CCDC192: variants seen among roughly 807,000 people sequenced by gnomAD.
CCDC192 encodes the protein coiled-coil domain-containing protein 192.
At chr5:127,926,832 A>G (rs1753876265) in intron 6 of CCDC192, among the ~76,000 whole-genome samples, 1 of 152,180 alleles carries the variant, frequency 6.6e-6, no homozygotes, top group Admixed American at 6.5e-5. Flanking sequence ...GGGAAAAGAA[A>G]GTTTAAGACC....
At chr5:127,761,588 T>G (rs1754931994) in intron 3 of CCDC192, among the ~76,000 whole-genome samples, 1 of 152,144 alleles carries the variant, frequency 6.6e-6, no homozygotes, top group South Asian at 2.1e-4. Flanking sequence ...CCTGTTGTTT[T>G]TGATATGAAA....
At chr5:127,732,636 A>G (rs1276867490) in intron 2 of CCDC192, among the ~76,000 whole-genome samples, 2 of 152,250 alleles carry the variant, frequency 1.3e-5, no homozygotes, top group Non-Finnish European at 2.9e-5. Flanking sequence ...AATGTGGTAC[A>G]TATACACCAT....
Position 127,719,548 on chromosome 5 carries a change from T to TACACACACATAC in CCDC192, c.114+11789_114+11790insCACACACATACA, listed in dbSNP as rs1561445038. Among the ~76,000 whole-genome samples the TACACACACATAC allele has an allele frequency of 2.7e-4, 10 of 36,404 alleles. 1 individual carries two copies. The South Asian group carries it at 7.4e-3, about 27-fold the overall frequency. 23.9% of individuals were successfully genotyped at this position (36,404 alleles called of 152,430 possible). The stretch of plus-strand genomic sequence containing the variant: ...ATACACACATACATATATATATATA[T>TACACACACATAC]ATATATATATACACACATACATATA... On this transcript the variant is annotated intron_variant, in intron 2 of 6. Coordinates refer to ENST00000514853, the MANE Select transcript of CCDC192 (RefSeq NM_001317938.2).
At chr5:127,751,913 C>T (rs898849033) in intron 2 of CCDC192, among the ~76,000 whole-genome samples, 18 of 152,066 alleles carry the variant, frequency 1.2e-4, no homozygotes, top group African/African-American at 4.1e-4. Context: ...GCATCGGCTC[C>T]TGAGGCTTCT....
At chr5:127,811,206 C>G (rs771917966) in intron 5 of CCDC192, among the ~76,000 whole-genome samples, 1 of 152,162 alleles carries the variant, frequency 6.6e-6, no homozygotes, top group Non-Finnish European at 1.5e-5. Flanking sequence ...TTAGGTTTTT[C>G]TACTTCCTTT....
intron 5 of CCDC192, among the ~76,000 whole-genome samples, chr5:127,840,080 A>G (rs1031992228): frequency 6.6e-6 from 1 of 152,208 alleles, no homozygotes; most frequent in African/African-American, 2.4e-5. Context: ...CCTGAGGGTG[A>G]AGGTTGATGT....
chr5:127,776,004 G>A (rs879175473), intron 3 of CCDC192, among the ~76,000 whole-genome samples: 6 of 152,182 alleles, frequency 3.9e-5, no homozygotes, highest in African/African-American at 1.4e-4. Flanking sequence ...GTCTTTATTA[G>A]CAGCATGAGT....
At chr5:127,770,992 A>T (rs56269278) in intron 3 of CCDC192, among the ~76,000 whole-genome samples, 1,840 of 152,272 alleles carry the variant, frequency 0.012, 21 homozygotes, top group Non-Finnish European at 0.02. Flanking sequence ...ATTCCTGGCT[A>T]GAGGGAATGA....
intron 2 of CCDC192, among the ~76,000 whole-genome samples, chr5:127,736,480 A>T (rs1197989940): frequency 6.6e-6 from 1 of 151,794 alleles, no homozygotes; most frequent in African/African-American, 2.4e-5. Flanking sequence ...TTTTCTATTG[A>T]TTGGAATAGT....
chr5:127,923,537 C>T (rs954310997), intron 6 of CCDC192, among the ~76,000 whole-genome samples: 7 of 152,114 alleles, frequency 4.6e-5, no homozygotes, highest in Non-Finnish European at 8.8e-5. Context: ...GCCACCATGC[C>T]CTGCTAACTT....
intron 6 of CCDC192, among the ~76,000 whole-genome samples, chr5:127,880,694 T>C (rs185866128): frequency 6.6e-6 from 1 of 151,676 alleles, no homozygotes; most frequent in East Asian, 1.9e-4. Context: ...TAAAATATAG[T>C]ATAGGCCAGG....
At chr5:127,825,444 A>G (rs1283232976) in intron 5 of CCDC192, among the ~76,000 whole-genome samples, 1 of 152,192 alleles carries the variant, frequency 6.6e-6, no homozygotes, top group Non-Finnish European at 1.5e-5. Flanking sequence ...ACCTCTCAGC[A>G]GCATCCCAGT....
chr5:127,932,377 T>C (rs1464132927), intron 6 of CCDC192, among the ~76,000 whole-genome samples: 2 of 152,016 alleles, frequency 1.3e-5, no homozygotes, highest in Non-Finnish European at 2.9e-5. Context: ...GCTAATTTTG[T>C]ATTTTTAGTA....
chr5:127,830,165 C>T (rs200505859), intron 5 of CCDC192, among the ~76,000 whole-genome samples: 2 of 150,206 alleles, frequency 1.3e-5, no homozygotes, highest in African/African-American at 4.9e-5. Flanking sequence ...TTCGCAGTCT[C>T]AAAAAAAAAA....
intron 5 of CCDC192, among the ~76,000 whole-genome samples, chr5:127,812,120 A>C (rs1758115383): frequency 6.6e-6 from 1 of 152,198 alleles, no homozygotes; most frequent in Non-Finnish European, 1.5e-5. Context: ...CCGATTTGTC[A>C]TGAGGGTTAA....
At chr5:127,822,912 C>A (rs1017584020) in intron 5 of CCDC192, among the ~76,000 whole-genome samples, 3 of 152,170 alleles carry the variant, frequency 2.0e-5, no homozygotes, top group Admixed American at 1.3e-4. Context: ...CCATGTCTGC[C>A]TTGTAGGCTG....
chr5:127,821,024 T>TACATGTACACACAC lies in CCDC192; in HGVS notation c.411+22867_411+22880dup, dbSNP rs556623308. Among the ~76,000 whole-genome samples the TACATGTACACACAC allele has an allele frequency of 1.7e-3, 254 of 152,202 alleles. 3 individuals carry two copies. Among genetic ancestry groups the TACATGTACACACAC allele is most frequent in the African/African-American group, 5.7e-3 (235 of 41,528 alleles). On this transcript the variant is annotated intron_variant, in intron 5 of 6. Coordinates refer to ENST00000514853, the MANE Select transcript of CCDC192 (RefSeq NM_001317938.2). ...TCCCATCCCTATAGTATCCACACAC[T>TACATGTACACACAC]ACATGTACACACACACATATACACA...
chr5:127,817,602 G>T (rs566142896), intron 5 of CCDC192, among the ~76,000 whole-genome samples: 2 of 152,300 alleles, frequency 1.3e-5, no homozygotes, highest in Non-Finnish European at 2.9e-5. Context: ...GTTGCCATTG[G>T]CCTGAGGGGG....
chr5:127,875,150 T>G (rs948544003), intron 5 of CCDC192, among the ~76,000 whole-genome samples: 1 of 152,166 alleles, frequency 6.6e-6, no homozygotes. Context: ...CAAGGCTCTA[T>G]TTCATATGAG....
Sources: gnomAD v4.1 joint callset for allele counts (sites outside exome capture counted in the v4.1 genomes callset) on GRCh38, gnomAD v4.1.1 for gene constraint, MANE v1.5 for transcripts, NCBI Gene and HGNC (gene_info 2026-07-23, HGNC 2026-07-21) for gene names.